PDHA1: variants seen among roughly 807,000 people sequenced by gnomAD.
PDHA1 encodes pyruvate dehydrogenase E1 component subunit alpha, somatic form, mitochondrial.
Under a neutral mutation model 33.0 loss-of-function variants are expected in PDHA1, and 1 was observed. That is an observed-to-expected ratio of 0.03 (90% CI 0.01 to 0.14). The LOEUF (loss-of-function observed/expected upper bound fraction) is 0.14, where lower values mean the gene tolerates loss of function less well. Ranked by LOEUF, PDHA1 falls within the 10% of genes least tolerant of loss-of-function variation. The pLI, the probability that PDHA1 is intolerant of heterozygous loss-of-function variation, is 1.00. For missense variants in PDHA1, 168 were observed against 325.1 expected (o/e 0.52, Z 3.72); for synonymous variants, 123 against 119.2 (o/e 1.03, Z -0.21).
intron 2 of PDHA1, 21 bp downstream of exon 2, chrX:19,349,392 TTAA>T (rs1345852944): frequency 4.0e-6 from 4 of 989,281 alleles, no homozygotes; most frequent in East Asian, 3.0e-5. Context: ...TTTTACTTTG[TTAA>T]TAATTTTTTC....
intron 8 of PDHA1, among the ~76,000 whole-genome samples, chrX:19,356,016 G>GCCTTTT (rs1393354218): frequency 8.9e-6 from 1 of 111,959 alleles, no homozygotes; most frequent in East Asian, 2.8e-4. Context: ...CAACTGATTT[G>GCCTTTT]CCTTTTCCTT....
intron 5 of PDHA1, among the ~76,000 whole-genome samples, chrX:19,353,576 A>G (rs1252077744): frequency 9.0e-6 from 1 of 111,590 alleles, no homozygotes; most frequent in Non-Finnish European, 1.9e-5. Context: ...TAGTGATGCA[A>G]TTCTGAGAAT....
rs771487744 is a variant in PDHA1, at chrX:19,355,004, C to G, written c.604-345C>G. 4.0e-4 allele frequency among the ~76,000 whole-genome samples: 45 copies of G among 112,833 alleles called. 1 individual carries two copies. In the South Asian group the frequency reaches 6.2e-3, roughly 15 times the overall value. On this transcript the variant is annotated intron_variant, in intron 6 of 10. Coordinates refer to ENST00000422285, the MANE Select transcript of PDHA1 (RefSeq NM_000284.4). ...TCTGTGGCCAGCACTCTGTGAAGCC[C>G]TGTTCTAGAGGCTGATTCTTAGGTG...
intron 5 of PDHA1, among the ~76,000 whole-genome samples, chrX:19,353,880 T>C (rs2063178563): frequency 8.9e-6 from 1 of 111,864 alleles, no homozygotes; most frequent in African/African-American, 3.2e-5. Context: ...CACAAAATTA[T>C]ATCCGGACTG....
intron 7 of PDHA1, 52 bp downstream of exon 7, chrX:19,355,556 C>G: frequency 8.7e-7 from 1 of 1,151,760 alleles, no homozygotes; most frequent in Non-Finnish European, 1.2e-6. Flanking sequence ...AAGGGTATGT[C>G]CTTGTGCAGA....
At chrX:19,344,640 T>G (rs184551175) in intron 1 of PDHA1, among the ~76,000 whole-genome samples, 1 of 113,333 alleles carries the variant, frequency 8.8e-6, no homozygotes, top group East Asian at 2.8e-4. Context: ...TAAATGGAGA[T>G]AAGAGTTATC....
intron 4 of PDHA1, chrX:19,351,636 A>G: frequency 2.7e-6 from 1 of 376,901 alleles, no homozygotes; most frequent in Middle Eastern, 7.2e-4. Context: ...CTATAAAATC[A>G]CAGTAGGTTT....
intron 8 of PDHA1, among the ~76,000 whole-genome samples, chrX:19,357,194 A>T (rs1011901651): frequency 1.8e-5 from 2 of 111,885 alleles, no homozygotes; most frequent in African/African-American, 6.5e-5. Context: ...TGCACCCTTG[A>T]CCTTCCAGAA....
intron 8 of PDHA1, among the ~76,000 whole-genome samples, chrX:19,356,759 A>G (rs761514229): frequency 1.1e-5 from 1 of 88,844 alleles, no homozygotes; most frequent in Non-Finnish European, 1.9e-5. Flanking sequence ...TGTTTTGCCC[A>G]TTTTGCAGAC....
chrX:19,354,332 G>A (rs1261242540), intron 5 of PDHA1, among the ~76,000 whole-genome samples, 159 bp from the exon 6 acceptor site: 4 of 112,441 alleles, frequency 3.6e-5, no homozygotes, highest in Non-Finnish European at 5.6e-5. Context: ...TGAAAATATC[G>A]GAGGTGGGAT....
intron 10 of PDHA1, 127 bp downstream of exon 10, chrX:19,359,151 A>G (rs1056985229): frequency 3.9e-6 from 2 of 511,274 alleles, no homozygotes; most frequent in Non-Finnish European, 7.0e-6. Context: ...ATAGTTCCAT[A>G]GTTCCAAAGT....
At chrX:19,352,981 T>G in intron 4 of PDHA1, 101 bp from the exon 5 acceptor site, 1 of 660,495 alleles carries the variant, frequency 1.5e-6, no homozygotes, top group Non-Finnish European at 2.5e-6. Flanking sequence ...CTGGCCTCTG[T>G]GTTCTAATGG....
intron 4 of PDHA1, chrX:19,352,879 G>C (rs1380303652): frequency 2.1e-6 from 1 of 465,512 alleles, no homozygotes; most frequent in Non-Finnish European, 3.8e-6. Flanking sequence ...TAGAGAGTAG[G>C]AAAAGCTGGA....
chrX:19,345,586 A>T lies in PDHA1; in HGVS notation c.57+1492A>T, dbSNP rs1602221091. On this transcript the variant is annotated intron_variant, in intron 1 of 10. Transcript: ENST00000422285. ...ACTCCGTATTTTAAAAAAAAAAAAAAAAAAAAAAAAAAAAAAGCGTTCCCT... is the reference window on the plus strand; with the variant it reads ...ACTCCGTATTTTAAAAAAAAAAAAATAAAAAAAAAAAAAAAAGCGTTCCCT... The T allele has an allele frequency of 7.1e-5, 8 of 113,096 alleles. No homozygotes were observed. In the South Asian group the frequency reaches 2.5e-3, roughly 35 times the overall value. The allele number at this position is 113,096 out of a possible 1,213,427, so 9.3% of individuals were successfully genotyped here.
chrX:19,360,628 T>G lies in PDHA1; in HGVS notation c.*975T>G. 1 of 525,377 alleles carries G rather than the reference T, an allele frequency of 1.9e-6. No individual in the cohort carries two copies. Among genetic ancestry groups the G allele is most frequent in the Non-Finnish European group, 3.2e-6 (1 of 314,325 alleles). The allele number at this position is 525,377 out of a possible 1,213,427, so 43.3% of individuals were successfully genotyped here. Reference sequence around the variant, plus strand: ...GTATTTAAAACAAGTTCTTAAACTATTAATTGAACAATGGCATTTTTAAAT... The same window carrying G: ...GTATTTAAAACAAGTTCTTAAACTAGTAATTGAACAATGGCATTTTTAAAT... On this transcript the variant is annotated 3_prime_UTR_variant, in exon 11 of 11. Coordinates refer to ENST00000422285, the MANE Select transcript of PDHA1 (RefSeq NM_000284.4).
chrX:19,345,020 C>T (rs2063121436), intron 1 of PDHA1, among the ~76,000 whole-genome samples: 1 of 111,307 alleles, frequency 9.0e-6, no homozygotes, highest in Admixed American at 9.6e-5. Flanking sequence ...GTACAAGTAG[C>T]TAAAGCAAAG....
rs150757144 is a variant in PDHA1 at position 19,347,607 on chromosome X, C to T, written c.58-1705C>T. Among the ~76,000 whole-genome samples the T allele has an allele frequency of 4.3e-3, 480 of 112,441 alleles. 3 individuals are homozygous for T. Among genetic ancestry groups the T allele is most frequent in the African/African-American group, 0.015 (459 of 30,998 alleles). On this transcript the variant is annotated intron_variant, in intron 1 of 10. Transcript: ENST00000422285. ...GAAGTTACCTTTTCTCTGTTACTGTCGCCTGGCTGGTTTGGACTCCTGCCT... is the reference window on the plus strand; with the variant it reads ...GAAGTTACCTTTTCTCTGTTACTGTTGCCTGGCTGGTTTGGACTCCTGCCT...
intron 1 of PDHA1, among the ~76,000 whole-genome samples, chrX:19,345,545 G>A (rs1306094113): frequency 1.1e-5 from 1 of 92,915 alleles, no homozygotes; most frequent in Non-Finnish European, 2.1e-5. Flanking sequence ...ACTACGGCCT[G>A]GGCGACAAGA....
At chrX:19,358,356 G>C (rs768546286) in intron 9 of PDHA1, among the ~76,000 whole-genome samples, 1 of 111,933 alleles carries the variant, frequency 8.9e-6, no homozygotes, top group South Asian at 3.7e-4. Context: ...GTTGAAAATG[G>C]TAGAATCCTT....
Sources: allele counts gnomAD v4.1 joint callset (sites outside exome capture counted in the v4.1 genomes callset), GRCh38; gene constraint gnomAD v4.1.1; transcripts MANE v1.5; gene names NCBI Gene and HGNC (gene_info 2026-07-23, HGNC 2026-07-21).